The following USP6NL variants were observed in gnomAD, a reference collection of about 807,000 sequenced individuals.
USP6NL encodes USP6 N-terminal-like protein.
Under a neutral mutation model 61.9 loss-of-function variants are expected in USP6NL, and 26 were observed. The observed-to-expected ratio is 0.42, with a 90% CI of 0.31 to 0.58. The LOEUF is 0.58. USP6NL is among the 20% of genes least tolerant of loss of function. The probability of loss-of-function intolerance (pLI) is 0.16; values close to 1 mark genes in which losing one functional copy is unlikely to be tolerated. For missense variants in USP6NL, 1,114 were observed against 1,034.3 expected (o/e 1.08, Z -1.06); for synonymous variants, 432 against 390.1 (o/e 1.11, Z -1.27).
At chr10:11,550,370 G>C (rs972052871) in intron 2 of USP6NL, among the ~76,000 whole-genome samples, 2 of 152,154 alleles carry the variant, frequency 1.3e-5, no homozygotes, top group African/African-American at 4.8e-5. Flanking sequence ...GTATTAGACA[G>C]AAGGCTTATA....
rs759763679 is a variant in USP6NL, at chr10:11,527,489, T to A, written c.72+11A>T. Reference sequence around the variant, plus strand: ...TAAAACTCACCCAAAGTGTTAAATATGGATACTTACTCTGTCATATTTAGC... The same window carrying A: ...TAAAACTCACCCAAAGTGTTAAATAAGGATACTTACTCTGTCATATTTAGC... On this transcript the variant is annotated intron_variant, in intron 3 of 14. Coordinates refer to ENST00000609104, the MANE Select transcript of USP6NL (RefSeq NM_014688.5). The A allele has an allele frequency of 1.2e-5, 19 of 1,595,356 alleles. No individual in the cohort carries two copies. In the South Asian group the frequency reaches 1.7e-4, roughly 14 times the overall value.
intron 2 of USP6NL, among the ~76,000 whole-genome samples, chr10:11,577,406 T>C (rs1324475864): frequency 2.0e-5 from 3 of 152,146 alleles, no homozygotes; most frequent in African/African-American, 7.2e-5. Context: ...TTCTATTTTT[T>C]CTGATACTAT....
intron 1 of USP6NL, among the ~76,000 whole-genome samples, chr10:11,606,914 C>T (rs1052755052): frequency 1.3e-5 from 2 of 151,690 alleles, no homozygotes; most frequent in Non-Finnish European, 2.9e-5. Context: ...CCTCAGCCTC[C>T]GAGTAGCTGG....
Position 11,591,435 on chromosome 10 carries a change from A to T in USP6NL, c.4+6196T>A, listed in dbSNP as rs562588174. Among the ~76,000 whole-genome samples, 4 of 152,308 alleles carry T rather than the reference A, an allele frequency of 2.6e-5. 1 individual carries two copies. The South Asian group carries it at 8.3e-4, about 32-fold the overall frequency. On this transcript the variant is annotated intron_variant, in intron 2 of 14. Coordinates refer to ENST00000609104, the MANE Select transcript of USP6NL (RefSeq NM_014688.5). This position sits in a 1 kb window ranked among gnomAD's most constrained non-coding sequence, Gnocchi z 4.7. ...TAAATATAGCTTTTGAAGAATAAAA[A>T]TATAATAGTAGGTATATAATTTGAA...
chr10:11,537,668 G>A lies in USP6NL; in HGVS notation c.5-10101C>T, dbSNP rs1422870934. On this transcript the variant is annotated intron_variant, in intron 2 of 14. Transcript: ENST00000609104. This position sits in a 1 kb window ranked among gnomAD's most constrained non-coding sequence, Gnocchi z 5.1. ...AAACAAATTCTATAAATGCCCAGTT[G>A]CCAAGCAAGTAGGGTCAGTGGGGCT... Among the ~76,000 whole-genome samples, 1 of 152,042 alleles carries A rather than the reference G, an allele frequency of 6.6e-6. No homozygotes were observed. Among genetic ancestry groups the A allele is most frequent in the Non-Finnish European group, 1.5e-5 (1 of 68,002 alleles).
chr10:11,600,392 T>G lies in USP6NL; in HGVS notation c.-83-2675A>C, dbSNP rs150152828. Among the ~76,000 whole-genome samples the G allele has an allele frequency of 6.6e-6, 1 of 152,102 alleles. No homozygotes were observed. Among genetic ancestry groups the G allele is most frequent in the African/African-American group, 2.4e-5 (1 of 41,406 alleles). On this transcript the variant is annotated intron_variant, in intron 1 of 14. Transcript: ENST00000609104. This position sits in a 1 kb window ranked among gnomAD's most constrained non-coding sequence, Gnocchi z 4.1. ...CACAATGAATAAATAACCTAACATG[T>G]AACTGAAGCCAACCCACATCTTACA...
In USP6NL at chr10:11,463,285, G is replaced by A; in HGVS notation, c.1643C>T (p.Ala548Val). The A allele has an allele frequency of 6.2e-7, 1 of 1,613,862 alleles. No individual in the cohort carries two copies. The highest frequency in any genetic ancestry group is 1.1e-5 in the South Asian group (1 of 91,084). The change falls in exon 15 of 15, where the codon GCA (alanine) becomes GTA (valine). Residue 548 changes from alanine to valine, a missense_variant. Coordinates refer to ENST00000609104, the MANE Select transcript of USP6NL (RefSeq NM_014688.5). The surrounding 1 kb of genome is among the most constrained non-coding windows in gnomAD (Gnocchi z 6.3). ...DAEDGKRGST[A>V]SQYDNVPGPE... ...GCCTGGCACGTTGTCGTACTGCGAT[G>A]CAGTGGAGCCCCGCTTCCCGTCCTC...
In USP6NL at chr10:11,478,992, CAT is replaced by C. The variant is rs1297032489; in HGVS notation, c.1078+2776_1078+2777del. 6.6e-6 allele frequency among the ~76,000 whole-genome samples: 1 copy of C among 151,584 alleles called. No individual in the cohort carries two copies. Among genetic ancestry groups the C allele is most frequent in the Non-Finnish European group, 1.5e-5 (1 of 67,766 alleles). The stretch of plus-strand genomic sequence containing the variant: ...TAATGTAATAAATGCCACTAATCCA[CAT>C]GACTAATGGTTTGGAAAATAAGCAG... On this transcript the variant is annotated intron_variant, in intron 14 of 14. Transcript: ENST00000609104. This position sits in a 1 kb window ranked among gnomAD's most constrained non-coding sequence, Gnocchi z 6.8.
At chr10:11,610,060 C>T (rs931420071) in intron 1 of USP6NL, among the ~76,000 whole-genome samples, 1 of 152,144 alleles carries the variant, frequency 6.6e-6, no homozygotes. Context: ...TTTGTAACAA[C>T]TCATTAATTC....
Position 11,462,272 on chromosome 10 carries a change from G to T in USP6NL, c.*169C>A. Reference sequence around the variant, plus strand: ...GATGCAATTGAAACGCTCATCTTAAGCAGCATCTACGTGGGGCTGAAGACA... The same window carrying T: ...GATGCAATTGAAACGCTCATCTTAATCAGCATCTACGTGGGGCTGAAGACA... On this transcript the variant is annotated 3_prime_UTR_variant, in exon 15 of 15. Transcript: ENST00000609104. 1 of 788,498 alleles carries T rather than the reference G, an allele frequency of 1.3e-6. No homozygotes were observed. Among genetic ancestry groups the T allele is most frequent in the Non-Finnish European group, 1.9e-6 (1 of 514,922 alleles). 48.8% of individuals were successfully genotyped at this position (788,498 alleles called of 1,614,324 possible). A position where few individuals can be genotyped will look rare whatever the true frequency, so the allele number is the denominator to read the frequency against.
At position 11,574,617 on chromosome 10, in the gene USP6NL, T is replaced by C. The variant is rs1837477131; in HGVS notation, c.4+23014A>G. On this transcript the variant is annotated intron_variant, in intron 2 of 14. Transcript: ENST00000609104. The surrounding 1 kb of genome is among the most constrained non-coding windows in gnomAD (Gnocchi z 4.3). Reference sequence around the variant, plus strand: ...CTCAGGTGAACATGGCTAAATGCTATGTTTATTAAACTGATTCTCCACCAG... The same window carrying C: ...CTCAGGTGAACATGGCTAAATGCTACGTTTATTAAACTGATTCTCCACCAG... Among the ~76,000 whole-genome samples, 1 of 152,250 alleles carries C rather than the reference T, an allele frequency of 6.6e-6. No individual in the cohort carries two copies. Among genetic ancestry groups the C allele is most frequent in the Admixed American group, 6.5e-5 (1 of 15,290 alleles).
rs556036841 is a variant in USP6NL, at chr10:11,494,902, G to A, written c.385-1674C>T. ...CCGAAGCACAGCATCACAGGGAGAC[G>A]GTTAGGCCTCCGGATAACTGCAGGC... On this transcript the variant is annotated intron_variant, in intron 7 of 14. Transcript: ENST00000609104. Among the ~76,000 whole-genome samples the A allele has an allele frequency of 3.3e-5, 5 of 152,116 alleles. 1 individual carries two copies. Among genetic ancestry groups the A allele is most frequent in the South Asian group, 2.1e-4 (1 of 4,832 alleles).
At chr10:11,498,724 G>A (rs971930457) in intron 7 of USP6NL, among the ~76,000 whole-genome samples, 2 of 152,014 alleles carry the variant, frequency 1.3e-5, no homozygotes, top group Admixed American at 1.3e-4. Flanking sequence ...CCAAATTGGA[G>A]GAGATCAGGG....
At position 11,597,786 on chromosome 10, in the gene USP6NL, A is replaced by G; in HGVS notation, c.-83-69T>C. The G allele has an allele frequency of 1.8e-6, 1 of 561,008 alleles. No individual in the cohort carries two copies. The highest frequency in any genetic ancestry group is 3.1e-6 in the Non-Finnish European group (1 of 317,492). The allele number at this position is 561,008 out of a possible 1,614,324, so 34.8% of individuals were successfully genotyped here. ...CAATATTTAAAATAAAGTTTTCTTAAAGAAAATCATTTTGTTTCAAAAATA... is the reference window on the plus strand; with the variant it reads ...CAATATTTAAAATAAAGTTTTCTTAGAGAAAATCATTTTGTTTCAAAAATA... On this transcript the variant is annotated intron_variant, in intron 1 of 14. Transcript: ENST00000609104. The surrounding 1 kb of genome is among the most constrained non-coding windows in gnomAD (Gnocchi z 4.6).
At position 11,462,902 on chromosome 10, in the gene USP6NL, A is replaced by C. The variant is rs374026191; in HGVS notation, c.2026T>G (p.Ser676Ala). Residue 676 changes from serine (S) to alanine (A), a missense_variant, in exon 15 of 15, where the codon TCC (serine) becomes GCC (alanine). Ser to Ala is a moderately conservative substitution (Grantham distance 99). Transcript: ENST00000609104. ...PSRRPHGSTL[S>A]VSASPEKSYS... The stretch of plus-strand genomic sequence containing the variant: ...GATTTCTCCGGAGAAGCACTGACGG[A>C]AAGAGTAGAACCATGAGGTCTCCTG... 6.2e-7 allele frequency: 1 copy of C among 1,613,512 alleles called. No homozygotes were observed. Among genetic ancestry groups the C allele is most frequent in the East Asian group, 2.2e-5 (1 of 44,880 alleles).
intron 7 of USP6NL, among the ~76,000 whole-genome samples, chr10:11,493,477 GTTAATT>G: frequency 6.6e-6 from 1 of 151,944 alleles, no homozygotes; most frequent in South Asian, 2.1e-4. Context: ...TGTCTATCTA[GTTAATT>G]TTAATTTAGG....
At chr10:11,577,448 T>C (rs1318100632) in intron 2 of USP6NL, among the ~76,000 whole-genome samples, 1 of 152,176 alleles carries the variant, frequency 6.6e-6, no homozygotes, top group Non-Finnish European at 1.5e-5. Flanking sequence ...GCCTTTTCAC[T>C]GCTGATACAT....
intron 2 of USP6NL, among the ~76,000 whole-genome samples, chr10:11,542,862 CGT>C (rs1177050209): frequency 6.6e-6 from 1 of 152,162 alleles, no homozygotes; most frequent in Non-Finnish European, 1.5e-5. Flanking sequence ...TCGACAGTAA[CGT>C]GGGGTAGGAA....
chr10:11,533,954 C>A (rs557076693), intron 2 of USP6NL, among the ~76,000 whole-genome samples: 2 of 152,316 alleles, frequency 1.3e-5, no homozygotes, highest in Admixed American at 6.5e-5. Flanking sequence ...CTACCTCAGC[C>A]TCTACCTCAG....
Sources: allele counts gnomAD v4.1 joint callset (sites outside exome capture counted in the v4.1 genomes callset), GRCh38; gene constraint gnomAD v4.1.1; non-coding constraint Gnocchi (gnomAD v3.1); transcripts MANE v1.5; gene names NCBI Gene and HGNC (gene_info 2026-07-23, HGNC 2026-07-21).